Variants in RHBDD1 observed in about 807,000 individuals in gnomAD.
RHBDD1 encodes rhomboid-related protein 4.
A neutral mutation model predicts 36.3 loss-of-function variants in RHBDD1; 38 were observed. The ratio of observed to expected loss-of-function variants is 1.05; its 90% confidence interval spans 0.81 to 1.37. The LOEUF (loss-of-function observed/expected upper bound fraction) is 1.37. RHBDD1 is among the 40% of genes most tolerant of loss of function. RHBDD1 has a pLI of 0.00. For missense variants in RHBDD1, 393 were observed against 377.6 expected, an observed-to-expected ratio of 1.04 and a Z score of -0.34; for synonymous variants, 151 against 136.5, an observed-to-expected ratio of 1.11 and a Z score of -0.74.
Position 226,995,459 on chromosome 2 carries a change from C to A in RHBDD1, c.885C>A (p.Tyr295Ter), listed in dbSNP as rs202117444. Residue 295 changes from tyrosine to a stop codon, truncating the protein, a stop_gained, in exon 9 of 9, where the codon TAC (tyrosine) becomes TAA (stop). Transcript: ENST00000392062. LOFTEE classifies it high-confidence loss of function. ...RGNTRNSPPP[Y>*]GFHLSPEEMR... ...ATACCAGAAATAGCCCACCACCCTA[C>A]GGGTTTCATCTCTCACCAGAAGAAA... is the stretch of plus-strand genomic sequence containing the variant. 5 of 1,612,794 alleles carry A rather than the reference C, an allele frequency of 3.1e-6. No individual in the cohort carries two copies. In the South Asian group the frequency reaches 4.4e-5, roughly 14 times the overall value.
the RHBDD1 span, among the ~76,000 whole-genome samples, chr2:226,817,981 A>G: frequency 0.17 from 25,865 of 151,994 alleles, 3,347 homozygotes; most frequent in African/African-American, 0.36. Context: ...ACTTAACTGC[A>G]TTGTTAAGGT....
At chr2:226,887,582 C>T (rs934053490) in intron 5 of RHBDD1, among the ~76,000 whole-genome samples, 2 of 152,168 alleles carry the variant, frequency 1.3e-5, no homozygotes, top group African/African-American at 4.8e-5. Flanking sequence ...TGTGATGCAC[C>T]AGTAGGTAAA....
chr2:226,908,824 G>T lies in RHBDD1; in HGVS notation c.658G>T (p.Gly220Cys), dbSNP rs775380684. Residue 220 changes from glycine to cysteine, a missense_variant and splice_region_variant, in exon 7 of 9, where the codon GGT (glycine) becomes TGT (cysteine). By Grantham distance (159) the Gly-to-Cys change is radical. Transcript: ENST00000392062. ...ATGTTTATTTCTTTTACGTTTAGGC[G>T]GTTTTTCCTCCAGTGTTGGTTACCC... ...LKKIMEACAGGFSSSVGYPGR... is the reference protein window; with the variant it reads ...LKKIMEACAGCFSSSVGYPGR... 6.2e-6 allele frequency: 10 copies of T among 1,602,988 alleles called. No individual in the cohort carries two copies. Among genetic ancestry groups the T allele is most frequent in the Non-Finnish European group, 7.7e-6 (9 of 1,170,084 alleles).
At chr2:226,944,302 T>A (rs1950835365) in intron 8 of RHBDD1, among the ~76,000 whole-genome samples, 2 of 152,188 alleles carry the variant, frequency 1.3e-5, no homozygotes, top group Non-Finnish European at 2.9e-5. Flanking sequence ...AATAAAAACA[T>A]CTGCTGTTTT....
At chr2:226,819,136 A>G in the RHBDD1 span, among the ~76,000 whole-genome samples, 1 of 152,198 alleles carries the variant, frequency 6.6e-6, no homozygotes, top group African/African-American at 2.4e-5. Flanking sequence ...TCTTAAGGGT[A>G]CTTCAAAACC....
the RHBDD1 span, among the ~76,000 whole-genome samples, chr2:226,801,494 A>G: frequency 6.6e-6 from 1 of 152,194 alleles, no homozygotes; most frequent in Non-Finnish European, 1.5e-5. Flanking sequence ...CTCCCCACCC[A>G]AGCCTGGGAG....
chr2:226,961,326 G>A (rs1952179919), intron 8 of RHBDD1, among the ~76,000 whole-genome samples: 1 of 152,164 alleles, frequency 6.6e-6, no homozygotes, highest in Non-Finnish European at 1.5e-5. Flanking sequence ...CACCAGGAAA[G>A]CACTGGGTCT....
At chr2:226,931,765 G>A (rs1371239631) in intron 8 of RHBDD1, among the ~76,000 whole-genome samples, 1 of 151,598 alleles carries the variant, frequency 6.6e-6, no homozygotes, top group East Asian at 1.9e-4. Context: ...ATCAATCCTG[G>A]AATCAGATAG....
intron 6 of RHBDD1, 75 bp from the exon 7 acceptor site, chr2:226,908,747 C>T: frequency 1.0e-6 from 1 of 1,003,958 alleles, no homozygotes; most frequent in South Asian, 1.3e-5. Flanking sequence ...GTCCAGAGAA[C>T]TTTCTAATTA....
At chr2:226,932,799 A>G (rs1950107457) in intron 8 of RHBDD1, among the ~76,000 whole-genome samples, 1 of 151,884 alleles carries the variant, frequency 6.6e-6, no homozygotes, top group Non-Finnish European at 1.5e-5. Flanking sequence ...TTTAGAGGGT[A>G]TGTTTTATTT....
intron 8 of RHBDD1, among the ~76,000 whole-genome samples, chr2:226,966,903 C>G (rs1040507598): frequency 1.3e-5 from 2 of 151,240 alleles, no homozygotes; most frequent in Non-Finnish European, 2.9e-5. Flanking sequence ...CATGGGAGAT[C>G]TACTGCACCA....
At chr2:226,973,591 C>T (rs1953989320) in intron 8 of RHBDD1, among the ~76,000 whole-genome samples, 1 of 152,236 alleles carries the variant, frequency 6.6e-6, no homozygotes, top group Admixed American at 6.5e-5. Flanking sequence ...GCCTAGTCCC[C>T]TTAGCAAGGA....
intron 3 of RHBDD1, among the ~76,000 whole-genome samples, chr2:226,861,181 G>A (rs1293098186): frequency 1.3e-5 from 2 of 152,152 alleles, no homozygotes; most frequent in African/African-American, 4.8e-5. Flanking sequence ...AGAAATTTGG[G>A]CATCATCCTG....
chr2:226,909,712 G>C (rs1948377816), intron 7 of RHBDD1, among the ~76,000 whole-genome samples: 1 of 152,120 alleles, frequency 6.6e-6, no homozygotes, highest in South Asian at 2.1e-4. Flanking sequence ...GAAGTCAGCA[G>C]TCTGCAACCT....
At chr2:226,992,975 A>G (rs1958594451) in intron 8 of RHBDD1, among the ~76,000 whole-genome samples, 1 of 152,210 alleles carries the variant, frequency 6.6e-6, no homozygotes, top group Admixed American at 6.5e-5. Context: ...GGCTTTATAA[A>G]GAAGAGTGTG....
chr2:226,945,257 C>G (rs1056883686), intron 8 of RHBDD1, among the ~76,000 whole-genome samples: 2 of 151,466 alleles, frequency 1.3e-5, no homozygotes, highest in African/African-American at 4.9e-5. Flanking sequence ...TTTGCTGCAC[C>G]CATCAACCTG....
chr2:226,949,382 T>C (rs1460414045), intron 8 of RHBDD1, among the ~76,000 whole-genome samples: 4 of 152,150 alleles, frequency 2.6e-5, no homozygotes, highest in African/African-American at 9.7e-5. Context: ...GGGCAAAGAA[T>C]TTAAGTGAGT....
At chr2:226,902,652 G>A (rs1947693820) in intron 5 of RHBDD1, among the ~76,000 whole-genome samples, 1 of 152,056 alleles carries the variant, frequency 6.6e-6, no homozygotes, top group African/African-American at 2.4e-5. Context: ...GATTGAATAA[G>A]ATCATAATCT....
chr2:226,956,248 C>A lies in RHBDD1; in HGVS notation c.857-39183C>A, dbSNP rs901174678. On this transcript the variant is annotated intron_variant, in intron 8 of 8. Transcript: ENST00000392062. ...CCACGCCCCACTAAGCCGTGCCCGCCTCCATCCTGAGGCGCGCAGTCCCAC... is the reference window on the plus strand; with the variant it reads ...CCACGCCCCACTAAGCCGTGCCCGCATCCATCCTGAGGCGCGCAGTCCCAC... Among the ~76,000 whole-genome samples the A allele has an allele frequency of 2.6e-4, 39 of 152,156 alleles. 1 individual carries two copies. The highest frequency in any genetic ancestry group is 8.2e-4 in the African/African-American group (34 of 41,442).
Sources: allele counts gnomAD v4.1 joint callset (sites outside exome capture counted in the v4.1 genomes callset), GRCh38; gene constraint gnomAD v4.1.1; transcripts MANE v1.5; gene names NCBI Gene and HGNC (gene_info 2026-07-23, HGNC 2026-07-21).